Variants in SLCO3A1 observed in about 807,000 individuals in gnomAD.
The protein encoded by SLCO3A1 is solute carrier organic anion transporter family member 3A1, also known as PGE1 transporter.
SLCO3A1 carries 27 observed loss-of-function variants against 63.1 expected under a neutral mutation model. The ratio of observed to expected loss-of-function variants is 0.43; its 90% CI spans 0.32 to 0.59. The LOEUF is 0.59. Among genes scored for constraint, SLCO3A1 ranks in the 20% least tolerant of loss-of-function variants. The pLI is 0.09. For synonymous variants in SLCO3A1, 473 were observed against 409.9 expected (o/e 1.15, Z -1.86); for missense variants, 773 against 945.8 (o/e 0.82, Z 2.40).
At position 92,052,827 on chromosome 15, in the gene SLCO3A1, T is replaced by G. The variant is rs1018793718; in HGVS notation, c.647-42054T>G. On this transcript the variant is annotated intron_variant, in intron 2 of 9. Transcript: ENST00000318445. The stretch of plus-strand genomic sequence containing the variant: ...ATTTATATAAATACATTTTAATTTT[T>G]TTTTTCCTTTTACAGGTTGAAAGGA... Among the ~76,000 whole-genome samples the G allele has an allele frequency of 8.4e-4, 128 of 152,292 alleles. 1 individual carries two copies. Among genetic ancestry groups the G allele is most frequent in the Middle Eastern group, 3.4e-3 (1 of 294 alleles).
chr15:91,881,708 C>T (rs906346588), intron 1 of SLCO3A1, among the ~76,000 whole-genome samples: 1 of 152,138 alleles, frequency 6.6e-6, no homozygotes, highest in Non-Finnish European at 1.5e-5. Flanking sequence ...TCTGTCGGAG[C>T]TCAGTGGAGA....
chr15:92,122,346 G>A (rs2047872685), intron 5 of SLCO3A1, among the ~76,000 whole-genome samples: 1 of 152,220 alleles, frequency 6.6e-6, no homozygotes, highest in Admixed American at 6.5e-5. Context: ...GGAAAGGGAA[G>A]GTGATGCTTT....
intron 2 of SLCO3A1, among the ~76,000 whole-genome samples, chr15:91,919,063 A>G (rs1321031081): frequency 6.6e-6 from 1 of 152,184 alleles, no homozygotes; most frequent in African/African-American, 2.4e-5. Flanking sequence ...GAACAGAATG[A>G]TCAACATGCA....
Position 92,120,606 on chromosome 15 carries a change from C to T in SLCO3A1, c.1151C>T (p.Thr384Ile). ...CTGGAGCAGCAGTTTAACCTCACCACCTCTTCTGCCAACCAGCTGCTTGGT... is the reference window on the plus strand; with the variant it reads ...CTGGAGCAGCAGTTTAACCTCACCATCTCTTCTGCCAACCAGCTGCTTGGT... ...KYLEQQFNLT[T>I]SSANQLLGMT... is the part of the protein sequence containing the mutation. The change falls in exon 5 of 10, where the codon ACC becomes ATC. Residue 384 changes from threonine (T) to isoleucine (I), a missense_variant. Thr to Ile is a moderately conservative substitution (Grantham distance 89, BLOSUM62 -1). Transcript: ENST00000318445. 1 of 1,613,838 alleles carries T rather than the reference C, an allele frequency of 6.2e-7. No individual in the cohort carries two copies.
At chr15:91,884,800 T>C (rs1415068654) in intron 1 of SLCO3A1, among the ~76,000 whole-genome samples, 2 of 152,202 alleles carry the variant, frequency 1.3e-5, no homozygotes, top group African/African-American at 4.8e-5. Flanking sequence ...CATTTTTTTG[T>C]ATGCTTACTC....
chr15:91,916,925 G>A lies in SLCO3A1; in HGVS notation c.646+467G>A, dbSNP rs114801179. 0.013 allele frequency among the ~76,000 whole-genome samples: 1,997 copies of A among 152,276 alleles called. 58 individuals are homozygous for A. The highest frequency in any genetic ancestry group is 0.046 in the African/African-American group (1,910 of 41,536). On this transcript the variant is annotated intron_variant, in intron 2 of 9. Coordinates refer to ENST00000318445, the MANE Select transcript of SLCO3A1 (RefSeq NM_013272.4). This position sits in a 1 kb window ranked among gnomAD's most constrained non-coding sequence, Gnocchi z 6.2. ...CAGCATTTGGCATCATTCGAAGTTG[G>A]TGACTTCCGGTAATTTTTTCAATAA...
chr15:91,944,677 G>A (rs1470567906), intron 2 of SLCO3A1, among the ~76,000 whole-genome samples: 3 of 151,986 alleles, frequency 2.0e-5, no homozygotes, highest in Non-Finnish European at 2.9e-5. Context: ...ACTCTCCCCC[G>A]AGATGCTTTT....
At chr15:91,868,402 T>G (rs1873926110) in intron 1 of SLCO3A1, among the ~76,000 whole-genome samples, 1 of 151,334 alleles carries the variant, frequency 6.6e-6, no homozygotes. Flanking sequence ...GTTTTACTTA[T>G]TACACAAGGA....
Position 91,901,334 on chromosome 15 carries a change from T to C in SLCO3A1, c.181-14659T>C, listed in dbSNP as rs28805312. Reference sequence around the variant, plus strand: ...TCTATATCTTATAAATGAAGTGTTATGGTTCTATGCAATCTAATGCCTTTT... The same window carrying C: ...TCTATATCTTATAAATGAAGTGTTACGGTTCTATGCAATCTAATGCCTTTT... On this transcript the variant is annotated intron_variant, in intron 1 of 9. Transcript: ENST00000318445. Among the ~76,000 whole-genome samples the C allele has an allele frequency of 8.9e-3, 1,350 of 152,364 alleles. 11 individuals carry two copies. Among genetic ancestry groups the C allele is most frequent in the African/African-American group, 0.03 (1,241 of 41,602 alleles).
chr15:92,046,971 G>A (rs1175301389), intron 2 of SLCO3A1, among the ~76,000 whole-genome samples: 1 of 95,578 alleles, frequency 1.0e-5, no homozygotes, highest in African/African-American at 4.1e-5. Context: ...ATTGCCTTTG[G>A]CCATTAAATA....
At chr15:91,918,906 G>C (rs1464095559) in intron 2 of SLCO3A1, among the ~76,000 whole-genome samples, 1 of 152,238 alleles carries the variant, frequency 6.6e-6, no homozygotes, top group African/African-American at 2.4e-5. Context: ...CTCCTGCAGA[G>C]TTGGTCTAGA....
In SLCO3A1 at chr15:91,950,513, C is replaced by T. The variant is rs1899963430; in HGVS notation, c.646+34055C>T. Among the ~76,000 whole-genome samples, 1 of 152,234 alleles carries T rather than the reference C, an allele frequency of 6.6e-6. No individual in the cohort carries two copies. Among genetic ancestry groups the T allele is most frequent in the South Asian group, 2.1e-4 (1 of 4,834 alleles). On this transcript the variant is annotated intron_variant, in intron 2 of 9. Coordinates refer to ENST00000318445, the MANE Select transcript of SLCO3A1 (RefSeq NM_013272.4). The surrounding 1 kb of genome is among the most constrained non-coding windows in gnomAD (Gnocchi z 4.4). ...ACGTTGTGCAGTATGGCAGGCGCAC[C>T]CCACATGGGTGTGTGATCCTTTGTT...
Position 92,164,859 on chromosome 15 carries a change from G to A in SLCO3A1, c.*1724G>A. The A allele has an allele frequency of 1.0e-6, 1 of 985,330 alleles. No individual in the cohort carries two copies. The allele number at this position is 985,330 out of a possible 1,614,324, so 61.0% of individuals were successfully genotyped here. A position where few individuals can be genotyped will look rare whatever the true frequency, so the allele number is the denominator to read the frequency against. On this transcript the variant is annotated 3_prime_UTR_variant, in exon 10 of 10. Transcript: ENST00000318445. ...GTAAGGGGACAGAGCTTAGGTAAAG[G>A]CACACACTCATACACACACAACAAA... is the stretch of plus-strand genomic sequence containing the variant.
rs190193164 is a variant in SLCO3A1, at chr15:92,084,842, A to G, written c.647-10039A>G. 6.8e-3 allele frequency among the ~76,000 whole-genome samples: 1,038 copies of G among 152,364 alleles called. 10 individuals carry two copies. The highest frequency in any genetic ancestry group is 0.013 in the Non-Finnish European group (851 of 68,042). ...CAACATTTTTCTCAAACAATGCAGC[A>G]TGCACCACCATAGCCAGCCAGTGAT... is the stretch of plus-strand genomic sequence containing the variant. On this transcript the variant is annotated intron_variant, in intron 2 of 9. Transcript: ENST00000318445.
At chr15:91,866,522 T>G (rs1724944341) in intron 1 of SLCO3A1, among the ~76,000 whole-genome samples, 1 of 148,190 alleles carries the variant, frequency 6.7e-6, no homozygotes. Flanking sequence ...GTTTTTTTGG[T>G]GGGGGTAGGA....
rs2151605923 is a variant in SLCO3A1 at position 92,163,742 on chromosome 15, G to A, written c.*607G>A. On this transcript the variant is annotated 3_prime_UTR_variant, in exon 10 of 10. Coordinates refer to ENST00000318445, the MANE Select transcript of SLCO3A1 (RefSeq NM_013272.4). ...TAGACGACTCACCCAGTCTGCATGTGGTTCAAGGCCCCAGAGTTCTCTCAG... is the reference window on the plus strand; with the variant it reads ...TAGACGACTCACCCAGTCTGCATGTAGTTCAAGGCCCCAGAGTTCTCTCAG... 1.0e-6 allele frequency: 1 copy of A among 985,376 alleles called. No individual in the cohort carries two copies. Among genetic ancestry groups the A allele is most frequent in the African/African-American group, 1.7e-5 (1 of 57,312 alleles). The allele number at this position is 985,376 out of a possible 1,614,324, so 61.0% of individuals were successfully genotyped here.
intron 1 of SLCO3A1, among the ~76,000 whole-genome samples, chr15:91,903,003 G>A (rs1597105018): frequency 1.3e-5 from 2 of 152,250 alleles, no homozygotes; most frequent in Admixed American, 6.5e-5. Flanking sequence ...AGCGGTGCTT[G>A]TTACTGCAAA....
rs528859981 is a variant in SLCO3A1 at position 91,865,687 on chromosome 15, T to C, written c.180+11599T>C. On this transcript the variant is annotated intron_variant, in intron 1 of 9. Transcript: ENST00000318445. This position sits in a 1 kb window ranked among gnomAD's most constrained non-coding sequence, Gnocchi z 4.6. The stretch of plus-strand genomic sequence containing the variant: ...GCTGTCACATGGTGTTTCCCCCGCG[T>C]CTCTCTCTCTTCTTCTTCTAAGGAC... 8.5e-4 allele frequency among the ~76,000 whole-genome samples: 130 copies of C among 152,274 alleles called. No homozygotes were observed. The highest frequency in any genetic ancestry group is 3.0e-3 in the African/African-American group (126 of 41,552).
At chr15:92,111,587 C>T (rs1460457414) in intron 4 of SLCO3A1, among the ~76,000 whole-genome samples, 2 of 152,184 alleles carry the variant, frequency 1.3e-5, no homozygotes, top group African/African-American at 4.8e-5. Context: ...CCAGACTGGT[C>T]ACTGGCTTAA....
Sources: allele counts gnomAD v4.1 joint callset (sites outside exome capture counted in the v4.1 genomes callset), GRCh38; gene constraint gnomAD v4.1.1; non-coding constraint Gnocchi (gnomAD v3.1); transcripts MANE v1.5; gene names NCBI Gene and HGNC (gene_info 2026-07-23, HGNC 2026-07-21).